ZNF469: variants seen among roughly 807,000 people sequenced by gnomAD.
ZNF469 encodes zinc finger protein 469.
In ZNF469, 1 loss-of-function variant was observed where a neutral mutation model predicts 1.0. That is an observed-to-expected ratio of 1.00 (90% CI 0.35 to 4.73). The LOEUF is 4.73. ZNF469 is among the 30% of genes most tolerant of loss of function. The pLI, the probability that ZNF469 is intolerant of heterozygous loss-of-function variation, is 0.16. For missense variants in ZNF469, 6,100 were observed against 5,356.3 expected (o/e 1.14, Z -4.33); for synonymous variants, 2,703 against 2,363.4 (o/e 1.14, Z -4.17).
chr16:88,316,801 C>T, the ZNF469 span, among the ~76,000 whole-genome samples: 5 of 152,106 alleles, frequency 3.3e-5, no homozygotes, highest in Non-Finnish European at 7.4e-5. Flanking sequence ...CCCGCCTCAG[C>T]CTCCCAAAGT....
the ZNF469 span, among the ~76,000 whole-genome samples, chr16:88,366,708 C>T: frequency 6.6e-6 from 1 of 151,352 alleles, no homozygotes; most frequent in Admixed American, 6.6e-5. Context: ...TCACCATCAC[C>T]ATCATCATCA....
chr16:88,214,483 A>G, the ZNF469 span, among the ~76,000 whole-genome samples: 1 of 135,054 alleles, frequency 7.4e-6, no homozygotes, highest in East Asian at 2.1e-4. Flanking sequence ...TTTTTTTTTT[A>G]GAAGGTATGG....
the ZNF469 span, among the ~76,000 whole-genome samples, chr16:88,161,675 C>A: frequency 6.6e-6 from 1 of 151,916 alleles, no homozygotes; most frequent in South Asian, 2.1e-4. Context: ...TCCAGTTATT[C>A]AATGAATGTT....
chr16:88,183,924 T>C, the ZNF469 span, among the ~76,000 whole-genome samples: 4 of 151,812 alleles, frequency 2.6e-5, no homozygotes, highest in Non-Finnish European at 5.9e-5. Context: ...GGAGGTCCTG[T>C]AGGGAGTGGG....
chr16:88,183,130 T>G, the ZNF469 span, among the ~76,000 whole-genome samples: 2 of 152,174 alleles, frequency 1.3e-5, no homozygotes, highest in African/African-American at 4.8e-5. Context: ...TCACTAGTCA[T>G]GAGGGAAATT....
At chr16:88,106,274 G>T in the ZNF469 span, among the ~76,000 whole-genome samples, 1 of 152,184 alleles carries the variant, frequency 6.6e-6, no homozygotes, top group African/African-American at 2.4e-5. Flanking sequence ...TGCCGCTCCT[G>T]CGCCCACCTC....
At chr16:88,164,531 G>A in the ZNF469 span, among the ~76,000 whole-genome samples, 1 of 152,172 alleles carries the variant, frequency 6.6e-6, no homozygotes, top group Non-Finnish European at 1.5e-5. Context: ...GTGGGTGGAT[G>A]GACAGACAGG....
At chr16:88,220,906 G>A in the ZNF469 span, among the ~76,000 whole-genome samples, 503 of 152,256 alleles carry the variant, frequency 3.3e-3, 3 homozygotes, top group African/African-American at 0.012. Flanking sequence ...TTGCTCTCCG[G>A]GTCTCAAATT....
At chr16:88,284,257 G>C in the ZNF469 span, among the ~76,000 whole-genome samples, 1 of 152,184 alleles carries the variant, frequency 6.6e-6, no homozygotes, top group South Asian at 2.1e-4. Flanking sequence ...ATTATCTCTT[G>C]GCTCAGTTTG....
the ZNF469 span, among the ~76,000 whole-genome samples, chr16:88,318,872 C>T: frequency 6.6e-6 from 1 of 152,280 alleles, no homozygotes; most frequent in Admixed American, 6.5e-5. Flanking sequence ...AACAGCTTGG[C>T]CCTCACGTGG....
At chr16:88,322,278 G>A in the ZNF469 span, among the ~76,000 whole-genome samples, 19 of 152,334 alleles carry the variant, frequency 1.2e-4, no homozygotes, top group Admixed American at 2.6e-4. Flanking sequence ...CAGGTGAATC[G>A]GAACTCACCT....
chr16:88,168,973 C>G, the ZNF469 span, among the ~76,000 whole-genome samples: 1 of 152,066 alleles, frequency 6.6e-6, no homozygotes, highest in Non-Finnish European at 1.5e-5. This position sits in a 1 kb window ranked among gnomAD's most constrained non-coding sequence, Gnocchi z 4.3. Flanking sequence ...AGGAGGGGGG[C>G]CTCCTCGTGT....
At chr16:88,386,188 C>T (rs2092536377) in intron 1 of ZNF469, among the ~76,000 whole-genome samples, 1 of 152,256 alleles carries the variant, frequency 6.6e-6, no homozygotes, top group Admixed American at 6.5e-5. Flanking sequence ...TCATTCTAGA[C>T]CTGCAGGGTG....
At chr16:88,358,869 C>T in the ZNF469 span, among the ~76,000 whole-genome samples, 4 of 152,152 alleles carry the variant, frequency 2.6e-5, no homozygotes, top group East Asian at 1.9e-4. Context: ...CAGGCGCGTG[C>T]CACCATGCCA....
the ZNF469 span, among the ~76,000 whole-genome samples, chr16:88,146,968 C>A: frequency 1.3e-5 from 2 of 152,006 alleles, no homozygotes; most frequent in African/African-American, 4.8e-5. Flanking sequence ...GAAACTGTCC[C>A]CACGTCAGGA....
Position 88,435,584 on chromosome 16 carries a change from G to A in ZNF469, c.8114G>A (p.Gly2705Asp), listed in dbSNP as rs1021977490. ...LATLGPGVMEGAAETDQEALC... is the reference protein window; with the variant it reads ...LATLGPGVMEDAAETDQEALC... ...ACTCTGGGACCTGGGGTGATGGAGG[G>A]TGCAGCGGAGACTGACCAGGAGGCT... The change falls in exon 3 of 3, where the codon GGT becomes GAT. Residue 2705 changes from glycine to aspartate, a missense_variant. Coordinates refer to ENST00000565624, the MANE Select transcript of ZNF469 (RefSeq NM_001367624.2). 1 of 1,550,082 alleles carries A rather than the reference G, an allele frequency of 6.5e-7. No individual in the cohort carries two copies. Among genetic ancestry groups the A allele is most frequent in the Admixed American group, 2.0e-5 (1 of 51,014 alleles).
chr16:88,104,371 A>C, the ZNF469 span, among the ~76,000 whole-genome samples: 39,445 of 152,098 alleles, frequency 0.26, 5,745 homozygotes, highest in South Asian at 0.34. Flanking sequence ...ACCACTATCA[A>C]CTTGGAAATT....
Position 88,437,899 on chromosome 16 carries a change from G to A in ZNF469, c.10429G>A (p.Val3477Met), listed in dbSNP as rs1170297423. 13 of 1,540,222 alleles carry A rather than the reference G, an allele frequency of 8.4e-6. No homozygotes were observed. The Admixed American group carries it at 1.4e-4, about 16-fold the overall frequency. ...CACACTGCCCAGCAAACGGCGCAGGGTGGCCATGCCCGGCAGTGCCCCTGG... is the reference window on the plus strand; with the variant it reads ...CACACTGCCCAGCAAACGGCGCAGGATGGCCATGCCCGGCAGTGCCCCTGG... ...EGTLPSKRRR[V>M]AMPGSAPGPG... The change falls in exon 3 of 3, where the codon GTG becomes ATG. Residue 3477 changes from valine to methionine, a missense_variant. Coordinates refer to ENST00000565624, the MANE Select transcript of ZNF469 (RefSeq NM_001367624.2).
the ZNF469 span, among the ~76,000 whole-genome samples, chr16:88,112,980 G>A: frequency 1.1e-4 from 17 of 151,848 alleles, no homozygotes; most frequent in East Asian, 5.8e-4. Flanking sequence ...GGGTTTCACC[G>A]TGTTAGCCAG....
Sources: gnomAD v4.1 joint callset for allele counts (sites outside exome capture counted in the v4.1 genomes callset) on GRCh38, gnomAD v4.1.1 for gene constraint, Gnocchi (gnomAD v3.1) non-coding constraint, MANE v1.5 for transcripts, NCBI Gene and HGNC (gene_info 2026-07-23, HGNC 2026-07-21) for gene names.